SCFD2: variants seen among roughly 807,000 people sequenced by gnomAD.
SCFD2 encodes sec1 family domain containing 2, also known as sec1 family domain-containing protein 2.
SCFD2 carries 54 observed loss-of-function variants against 58.9 expected under a neutral mutation model. That is an observed-to-expected ratio of 0.92 (90% confidence interval 0.74 to 1.15). SCFD2 has a LOEUF of 1.15. Ranked by LOEUF, SCFD2 falls within the 50% of genes most tolerant of loss-of-function variation. SCFD2 has a pLI of 0.00. For missense variants in SCFD2, 805 were observed against 836.6 expected (o/e 0.96, Z 0.47); for synonymous variants, 321 against 335.9 (o/e 0.96, Z 0.49).
At chr4:53,286,511 T>A (rs1731673245) in intron 3 of SCFD2, among the ~76,000 whole-genome samples, 1 of 151,822 alleles carries the variant, frequency 6.6e-6, no homozygotes, top group African/African-American at 2.4e-5. Flanking sequence ...AGTACCTCAC[T>A]CCCCAAGGAC....
At chr4:53,083,887 C>A (rs1724223102) in intron 5 of SCFD2, among the ~76,000 whole-genome samples, 1 of 152,056 alleles carries the variant, frequency 6.6e-6, no homozygotes. Flanking sequence ...AAGGGTCTAA[C>A]AAAGATCACA....
At chr4:53,177,242 G>A (rs1727365729) in intron 4 of SCFD2, among the ~76,000 whole-genome samples, 1 of 152,186 alleles carries the variant, frequency 6.6e-6, no homozygotes, top group Admixed American at 6.5e-5. Context: ...AGCAGACAAT[G>A]ATAAAACAGA....
chr4:52,918,737 C>T (rs1208632842), intron 6 of SCFD2, among the ~76,000 whole-genome samples: 6 of 151,984 alleles, frequency 3.9e-5, no homozygotes. Flanking sequence ...ACAGAATGAC[C>T]TACATGTCCC....
chr4:53,185,501 C>T (rs975269394), intron 4 of SCFD2, among the ~76,000 whole-genome samples: 7 of 152,082 alleles, frequency 4.6e-5, no homozygotes, highest in Non-Finnish European at 1.0e-4. Context: ...CTTCCTGCTT[C>T]CTAGTCTCTC....
chr4:53,141,066 A>C (rs957951440), intron 5 of SCFD2, among the ~76,000 whole-genome samples: 1 of 152,210 alleles, frequency 6.6e-6, no homozygotes, highest in African/African-American at 2.4e-5. Context: ...AAACATTGTA[A>C]TCCTAAAAGT....
rs1722232970 is a variant in SCFD2 at position 53,017,126 on chromosome 4, A to AC, written c.1562-96257_1562-96256insG. Among the ~76,000 whole-genome samples, 3 of 152,034 alleles carry AC rather than the reference A, an allele frequency of 2.0e-5. No individual in the cohort carries two copies. The South Asian group carries it at 6.2e-4, about 32-fold the overall frequency. On this transcript the variant is annotated intron_variant, in intron 5 of 8. Coordinates refer to ENST00000401642, the MANE Select transcript of SCFD2 (RefSeq NM_152540.4). ...CCGTCTCACACACACACACACACACAAAAAGAAGCAAAAGTTCTTGCCATA... is the reference window on the plus strand; with the variant it reads ...CCGTCTCACACACACACACACACACACAAAAGAAGCAAAAGTTCTTGCCATA...
chr4:53,229,715 G>C (rs1016867370), intron 4 of SCFD2, among the ~76,000 whole-genome samples: 2 of 152,160 alleles, frequency 1.3e-5, no homozygotes, highest in Non-Finnish European at 2.9e-5. Context: ...GCATGGGCAA[G>C]GACTTCATGT....
intron 5 of SCFD2, among the ~76,000 whole-genome samples, chr4:53,024,246 G>T (rs1175428482): frequency 7.3e-6 from 1 of 137,466 alleles, no homozygotes; most frequent in African/African-American, 3.5e-5. Context: ...TTTGGCCCCA[G>T]AAAAAATCCA....
intron 4 of SCFD2, among the ~76,000 whole-genome samples, chr4:53,256,630 C>T (rs1730644193): frequency 6.6e-6 from 1 of 152,072 alleles, no homozygotes; most frequent in Admixed American, 6.6e-5. Flanking sequence ...ATCCCGGCAC[C>T]TCGGGAGGCC....
intron 3 of SCFD2, among the ~76,000 whole-genome samples, chr4:53,300,613 C>T (rs1732245189): frequency 6.6e-6 from 1 of 152,186 alleles, no homozygotes; most frequent in South Asian, 2.1e-4. Flanking sequence ...TAGACATCTA[C>T]AGAACTCTCC....
intron 4 of SCFD2, among the ~76,000 whole-genome samples, chr4:53,207,522 TATA>T (rs1219207795): frequency 4.5e-5 from 2 of 44,482 alleles, no homozygotes; most frequent in Non-Finnish European, 7.4e-5. Context: ...ATATTATATA[TATA>T]ATATTTATAT....
At chr4:52,943,081 T>C (rs1424762688) in intron 5 of SCFD2, among the ~76,000 whole-genome samples, 1 of 152,118 alleles carries the variant, frequency 6.6e-6, no homozygotes, top group African/African-American at 2.4e-5. Flanking sequence ...AGTAGCCCAG[T>C]GATTCAAGAT....
intron 7 of SCFD2, among the ~76,000 whole-genome samples, chr4:52,888,224 G>A (rs1022875826): frequency 3.9e-5 from 6 of 152,058 alleles, no homozygotes; most frequent in Admixed American, 6.5e-5. Flanking sequence ...AGTATTCCAA[G>A]TTATGTAAGT....
chr4:53,145,104 G>A (rs546290076), intron 5 of SCFD2, among the ~76,000 whole-genome samples: 16 of 152,188 alleles, frequency 1.1e-4, no homozygotes, highest in East Asian at 5.8e-4. Context: ...GAGGTGGAAC[G>A]GTTTCATCAT....
intron 4 of SCFD2, among the ~76,000 whole-genome samples, chr4:53,173,447 C>T (rs1046515268): frequency 6.6e-6 from 1 of 151,852 alleles, no homozygotes; most frequent in Non-Finnish European, 1.5e-5. Flanking sequence ...TTTTCCATCC[C>T]TTCACTATCA....
chr4:53,216,254 C>T (rs1261346054), intron 4 of SCFD2, among the ~76,000 whole-genome samples: 2 of 152,102 alleles, frequency 1.3e-5, no homozygotes, highest in Admixed American at 6.5e-5. Flanking sequence ...TGGTAGAATT[C>T]GGCTGTGAAT....
At chr4:52,912,626 C>T (rs1027507432) in intron 6 of SCFD2, among the ~76,000 whole-genome samples, 4 of 152,162 alleles carry the variant, frequency 2.6e-5, no homozygotes, top group Non-Finnish European at 4.4e-5. Context: ...AGGCACGAAA[C>T]AGTACTTGTG....
intron 5 of SCFD2, among the ~76,000 whole-genome samples, chr4:53,062,975 C>A (rs1261731423): frequency 6.6e-6 from 1 of 152,072 alleles, no homozygotes; most frequent in Non-Finnish European, 1.5e-5. Context: ...TGTGAAATGA[C>A]CTGGCCCTAC....
At chr4:53,153,567 T>C (rs544480105) in intron 4 of SCFD2, among the ~76,000 whole-genome samples, 1 of 152,148 alleles carries the variant, frequency 6.6e-6, no homozygotes, top group African/African-American at 2.4e-5. Context: ...GCAAAGGAGA[T>C]TTCTGATGCT....
Sources: gnomAD v4.1 joint callset for allele counts (sites outside exome capture counted in the v4.1 genomes callset) on GRCh38, gnomAD v4.1.1 for gene constraint, MANE v1.5 for transcripts, NCBI Gene and HGNC (gene_info 2026-07-23, HGNC 2026-07-21) for gene names.